PTPRD: variants seen among roughly 807,000 people sequenced by gnomAD.
PTPRD encodes protein tyrosine phosphatase receptor type D, also known as receptor-type tyrosine-protein phosphatase delta.
PTPRD carries 34 observed loss-of-function variants against 214.5 expected under a neutral mutation model. The observed-to-expected ratio is 0.16, with a 90% CI of 0.12 to 0.21. PTPRD has a LOEUF of 0.21. Ranked by LOEUF, PTPRD falls within the 10% of genes least tolerant of loss-of-function variation. The pLI is 1.00. For missense variants in PTPRD, 2,545 were observed against 2,398.7 expected (o/e 1.06, Z -1.27); for synonymous variants, 1,128 against 845.7 (o/e 1.33, Z -5.79).
chr9:9,663,672 A>G (rs2096661161), intron 7 of PTPRD, among the ~76,000 whole-genome samples: 1 of 151,648 alleles, frequency 6.6e-6, no homozygotes, highest in African/African-American at 2.4e-5. Flanking sequence ...AATGATCACT[A>G]ACACCTGAAT....
intron 8 of PTPRD, among the ~76,000 whole-genome samples, chr9:9,526,327 T>C (rs1329686521): frequency 1.3e-5 from 2 of 152,154 alleles, no homozygotes; most frequent in Non-Finnish European, 2.9e-5. Flanking sequence ...ATGGACATGA[T>C]TTTCTCTAGG....
At chr9:9,925,345 G>T (rs1479853442) in intron 5 of PTPRD, among the ~76,000 whole-genome samples, 1 of 152,116 alleles carries the variant, frequency 6.6e-6, no homozygotes, top group Non-Finnish European at 1.5e-5. Context: ...ATTTAATATA[G>T]TCAAAGTTGA....
intron 3 of PTPRD, among the ~76,000 whole-genome samples, chr9:10,179,519 T>C (rs549970153): frequency 6.6e-6 from 1 of 152,182 alleles, no homozygotes; most frequent in African/African-American, 2.4e-5. Flanking sequence ...ATAGTATTTA[T>C]ATATTGCTTG....
chr9:8,950,856 C>A (rs567940862), intron 11 of PTPRD, among the ~76,000 whole-genome samples: 1 of 152,092 alleles, frequency 6.6e-6, no homozygotes, highest in Admixed American at 6.6e-5. Flanking sequence ...CCTGGGTCTA[C>A]CTACTCTACT....
At chr9:9,923,461 A>T (rs2083246920) in intron 5 of PTPRD, among the ~76,000 whole-genome samples, 1 of 147,408 alleles carries the variant, frequency 6.8e-6, no homozygotes, top group Admixed American at 6.8e-5. Flanking sequence ...CAATTAAACT[A>T]TAGAAGAAAA....
At chr9:9,904,750 A>C (rs1387926024) in intron 5 of PTPRD, among the ~76,000 whole-genome samples, 1 of 152,108 alleles carries the variant, frequency 6.6e-6, no homozygotes, top group African/African-American at 2.4e-5. Context: ...AATTTGAGAA[A>C]ATGTAATGAC....
intron 36 of PTPRD, among the ~76,000 whole-genome samples, chr9:8,389,769 C>G (rs964663827): frequency 1.3e-5 from 2 of 151,904 alleles, no homozygotes; most frequent in African/African-American, 2.4e-5. Context: ...GCTTCCCAGG[C>G]AAAAACTAGA....
chr9:9,434,399 T>C (rs1276821997), intron 8 of PTPRD, among the ~76,000 whole-genome samples: 2 of 152,194 alleles, frequency 1.3e-5, no homozygotes, highest in African/African-American at 2.4e-5. Flanking sequence ...CCTGTGTTCA[T>C]GCATTGGAAG....
chr9:9,168,136 T>C (rs1044384135), intron 10 of PTPRD, among the ~76,000 whole-genome samples: 6 of 152,226 alleles, frequency 3.9e-5, no homozygotes, highest in African/African-American at 1.2e-4. Context: ...TATTCACTTA[T>C]GTTTTGTGTA....
At chr9:10,045,796 G>C (rs947043727) in intron 3 of PTPRD, among the ~76,000 whole-genome samples, 3 of 151,584 alleles carry the variant, frequency 2.0e-5, no homozygotes, top group African/African-American at 7.3e-5. Flanking sequence ...TTTGCCACTA[G>C]TCTGTGCTGT....
intron 2 of PTPRD, among the ~76,000 whole-genome samples, chr9:10,563,828 T>A (rs1402453936): frequency 6.6e-6 from 1 of 151,996 alleles, no homozygotes; most frequent in Non-Finnish European, 1.5e-5. Context: ...TAGAGTGACA[T>A]AATTATTTAT....
At chr9:8,751,551 C>G (rs1003828913) in intron 11 of PTPRD, among the ~76,000 whole-genome samples, 1 of 152,160 alleles carries the variant, frequency 6.6e-6, no homozygotes, top group East Asian at 1.9e-4. Flanking sequence ...TATTAGAAAA[C>G]AGGGCCCTTC....
At chr9:9,919,567 T>C (rs555032888) in intron 5 of PTPRD, among the ~76,000 whole-genome samples, 1 of 152,308 alleles carries the variant, frequency 6.6e-6, no homozygotes, top group South Asian at 2.1e-4. Context: ...ATGATTCATG[T>C]AACTCCCCTA....
chr9:10,491,114 T>A (rs915300061), intron 2 of PTPRD, among the ~76,000 whole-genome samples: 1 of 152,212 alleles, frequency 6.6e-6, no homozygotes, highest in Non-Finnish European at 1.5e-5. Context: ...CTGGCCGCTA[T>A]AAGCATATCC....
chr9:10,093,985 C>G (rs1364479028), intron 3 of PTPRD, among the ~76,000 whole-genome samples: 1 of 151,312 alleles, frequency 6.6e-6, no homozygotes, highest in South Asian at 2.1e-4. Flanking sequence ...CTATAGGGTA[C>G]TATGCTCACT....
Position 9,173,065 on chromosome 9 carries a change from G to C in PTPRD, c.-143+10239C>G, listed in dbSNP as rs369793808. ...CATCTTTTCCTCCTGACTCTCCTCAGACTTTCACTCCAGACACGTGAGCCC... is the reference window on the plus strand; with the variant it reads ...CATCTTTTCCTCCTGACTCTCCTCACACTTTCACTCCAGACACGTGAGCCC... On this transcript the variant is annotated intron_variant, in intron 10 of 45. Transcript: ENST00000381196. Among the ~76,000 whole-genome samples the C allele has an allele frequency of 2.6e-5, 4 of 152,036 alleles. No homozygotes were observed. The East Asian group carries it at 7.8e-4, about 29-fold the overall frequency.
intron 12 of PTPRD, among the ~76,000 whole-genome samples, chr9:8,688,630 A>G (rs979632466): frequency 1.7e-4 from 26 of 151,852 alleles, no homozygotes; most frequent in Non-Finnish European, 3.4e-4. Context: ...TTATAAAAAA[A>G]GAAAGTTATG....
At chr9:10,446,337 G>T (rs917492608) in intron 2 of PTPRD, among the ~76,000 whole-genome samples, 1 of 151,680 alleles carries the variant, frequency 6.6e-6, no homozygotes, top group Admixed American at 6.6e-5. Flanking sequence ...AATATTCAAA[G>T]GAGTTAGGAA....
chr9:8,593,252 G>C (rs1186390865), intron 14 of PTPRD, among the ~76,000 whole-genome samples: 1 of 152,166 alleles, frequency 6.6e-6, no homozygotes, highest in African/African-American at 2.4e-5. Flanking sequence ...ATTTTGCTAA[G>C]GATGGTTAAG....
Sources: allele counts gnomAD v4.1 joint callset (sites outside exome capture counted in the v4.1 genomes callset), GRCh38; gene constraint gnomAD v4.1.1; transcripts MANE v1.5; gene names NCBI Gene and HGNC (gene_info 2026-07-23, HGNC 2026-07-21).